The following LSR variants were observed in gnomAD, a reference collection of about 807,000 sequenced individuals.
The protein encoded by LSR is lipolysis stimulated lipoprotein receptor.
A neutral mutation model predicts 61.8 loss-of-function variants in LSR; 44 were observed. The ratio of observed to expected loss-of-function variants is 0.71; its 90% CI spans 0.56 to 0.91. The LOEUF (loss-of-function observed/expected upper bound fraction) is 0.91. Among genes scored for constraint, LSR ranks in the 40% least tolerant of loss-of-function variants. The probability of loss-of-function intolerance (pLI) is 0.00; values close to 1 mark genes in which losing one functional copy is unlikely to be tolerated. For synonymous variants in LSR, 397 were observed against 350.6 expected (o/e 1.13, Z -1.48); for missense variants, 911 against 830.5 (o/e 1.10, Z -1.19).
At chr19:35,259,758 C>T (rs1374887693) in intron 3 of LSR, among the ~76,000 whole-genome samples, 1 of 152,232 alleles carries the variant, frequency 6.6e-6, no homozygotes, top group Admixed American at 6.5e-5. Flanking sequence ...CCGAGTCCCT[C>T]GCCAAAGCAC....
At chr19:35,258,283 T>TA (rs1287008049) in intron 2 of LSR, among the ~76,000 whole-genome samples, 1 of 152,046 alleles carries the variant, frequency 6.6e-6, no homozygotes, top group African/African-American at 2.4e-5. Flanking sequence ...CCATCTCTAC[T>TA]AAAAATGCAA....
intron 2 of LSR, among the ~76,000 whole-genome samples, chr19:35,250,896 A>G (rs2065785739): frequency 6.6e-6 from 1 of 151,722 alleles, no homozygotes; most frequent in Admixed American, 6.6e-5. Context: ...CCCAGGTTCA[A>G]GCAATTCTCT....
At chr19:35,251,858 G>A (rs1021559676) in intron 2 of LSR, among the ~76,000 whole-genome samples, 8 of 61,560 alleles carry the variant, frequency 1.3e-4, no homozygotes, top group African/African-American at 4.1e-4. Flanking sequence ...TTTTTGAGAC[G>A]GAGTCTCGCT....
At chr19:35,262,941 C>T (rs889333417) in intron 5 of LSR, 1 of 505,156 alleles carries the variant, frequency 2.0e-6, no homozygotes, top group Non-Finnish European at 3.5e-6. Flanking sequence ...GTAAAAATGT[C>T]CAACAGTACA....
chr19:35,267,215 C>T lies in LSR; in HGVS notation c.1251C>T (p.Pro417=). 1 of 1,522,346 alleles carries T rather than the reference C, an allele frequency of 6.6e-7. No homozygotes were observed. Among genetic ancestry groups the T allele is most frequent in the Non-Finnish European group, 8.8e-7 (1 of 1,138,012 alleles). 94.3% of individuals were successfully genotyped at this position (1,522,346 alleles called of 1,614,324 possible). ...IRDEEWGGHS[P]RSPRGWDQEP... is the part of the protein sequence containing the mutation. Reference sequence around the variant, plus strand: ...ATGAGGAGTGGGGTGGCCACTCCCCCCGGAGTCCCAGGGGATGGGACCAGG... The same window carrying T: ...ATGAGGAGTGGGGTGGCCACTCCCCTCGGAGTCCCAGGGGATGGGACCAGG... The change falls in exon 9 of 10, where the codon CCC becomes CCT. Residue 417 remains proline (P), a synonymous_variant. Coordinates refer to ENST00000605618, the MANE Select transcript of LSR (RefSeq NM_205834.4).
In LSR at chr19:35,267,092, AC is replaced by A. The variant is rs762189234; in HGVS notation, c.1145-11del. 1.6e-5 allele frequency: 24 copies of A among 1,520,738 alleles called. No homozygotes were observed. Among genetic ancestry groups the A allele is most frequent in the South Asian group, 2.7e-5 (2 of 75,440 alleles). The allele number at this position is 1,520,738 out of a possible 1,614,324, so 94.2% of individuals were successfully genotyped here. On this transcript the variant is annotated splice_polypyrimidine_tract_variant and intron_variant, in intron 8 of 9. Coordinates refer to ENST00000605618, the MANE Select transcript of LSR (RefSeq NM_205834.4). ...CCGGGCTCCTCCAGCAGTCAGTGACACCCCCCTTCCCTGCAGCCATGAGTGA... is the reference window on the plus strand; with the variant it reads ...CCGGGCTCCTCCAGCAGTCAGTGACACCCCCTTCCCTGCAGCCATGAGTGA...
In LSR at chr19:35,267,235, A is replaced by G; in HGVS notation, c.1271A>G (p.Asp424Gly). ...GHSPRSPRGW[D>G]QEPAREQAGG... Reference sequence around the variant, plus strand: ...TCCCCCCGGAGTCCCAGGGGATGGGACCAGGAGCCCGCCAGGGAGCAGGCA... The same window carrying G: ...TCCCCCCGGAGTCCCAGGGGATGGGGCCAGGAGCCCGCCAGGGAGCAGGCA... The change falls in exon 9 of 10, where the codon GAC becomes GGC. Residue 424 changes from aspartate to glycine, a missense_variant. Transcript: ENST00000605618. The G allele has an allele frequency of 6.5e-7, 1 of 1,533,664 alleles. No homozygotes were observed. The highest frequency in any genetic ancestry group is 8.7e-7 in the Non-Finnish European group (1 of 1,142,878).
chr19:35,256,775 A>T (rs1037872580), intron 2 of LSR, among the ~76,000 whole-genome samples: 3 of 152,316 alleles, frequency 2.0e-5, no homozygotes, highest in African/African-American at 7.2e-5. Context: ...ATGTGCCCAG[A>T]ATGATGAGAC....
intron 2 of LSR, among the ~76,000 whole-genome samples, chr19:35,257,803 A>G (rs12979792): frequency 0.17 from 25,122 of 152,220 alleles, 2,544 homozygotes; most frequent in South Asian, 0.23. Flanking sequence ...CCTGAGAAGC[A>G]GAGAGGAAAC....
chr19:35,255,247 G>GA (rs2065842322), intron 2 of LSR, among the ~76,000 whole-genome samples: 1 of 152,164 alleles, frequency 6.6e-6, no homozygotes, highest in African/African-American at 2.4e-5. Context: ...TTGAGCCTAG[G>GA]AGTTCGAAGC....
In LSR at chr19:35,252,411, G is replaced by A. The variant is rs903931750; in HGVS notation, c.454+1752G>A. On this transcript the variant is annotated intron_variant, in intron 2 of 9. Transcript: ENST00000605618. ...CGTCTGTAATCTCAGCACTTTGGGA[G>A]GCCAAGGTGGGTGGATCACCTGAGG... Among the ~76,000 whole-genome samples, 3 of 152,076 alleles carry A rather than the reference G, an allele frequency of 2.0e-5. No individual in the cohort carries two copies. In the South Asian group the frequency reaches 6.2e-4, roughly 32 times the overall value.
chr19:35,260,843 C>A (rs761532216), intron 3 of LSR, among the ~76,000 whole-genome samples: 15 of 152,038 alleles, frequency 9.9e-5, no homozygotes, highest in Non-Finnish European at 1.9e-4. Flanking sequence ...AACACACACA[C>A]ACACACACAC....
At position 35,266,708 on chromosome 19, in the gene LSR, C is replaced by T; in HGVS notation, c.982C>T (p.Leu328Phe). 2 of 1,609,108 alleles carry T rather than the reference C, an allele frequency of 1.2e-6. No homozygotes were observed. Among genetic ancestry groups the T allele is most frequent in the Admixed American group, 1.7e-5 (1 of 59,110 alleles). ...AGGQGSYVPL[L>F]RDTDSSVASE... ...TGGCCAAGGCTCCTATGTACCCCTGCTTCGGGACACGGACAGCAGTGTGGC... is the reference window on the plus strand; with the variant it reads ...TGGCCAAGGCTCCTATGTACCCCTGTTTCGGGACACGGACAGCAGTGTGGC... Residue 328 changes from leucine to phenylalanine, a missense_variant, in exon 7 of 10, where the codon CTT (leucine) becomes TTT (phenylalanine). By Grantham distance (22) the Leu-to-Phe change is conservative. Coordinates refer to ENST00000605618, the MANE Select transcript of LSR (RefSeq NM_205834.4).
At chr19:35,265,591 G>A (rs1035190505) in intron 5 of LSR, among the ~76,000 whole-genome samples, 1 of 152,230 alleles carries the variant, frequency 6.6e-6, no homozygotes, top group Non-Finnish European at 1.5e-5. Flanking sequence ...CAGGGAGGAA[G>A]CCACTTGCCT....
chr19:35,259,912 G>A (rs558691417), intron 3 of LSR, among the ~76,000 whole-genome samples: 52 of 152,340 alleles, frequency 3.4e-4, no homozygotes, highest in African/African-American at 1.2e-3. Context: ...CCTTGTGTTA[G>A]GGGGATGTTG....
At chr19:35,262,346 G>A (rs2065941182) in intron 4 of LSR, among the ~76,000 whole-genome samples, 200 bp from the exon 5 acceptor site, 1 of 152,148 alleles carries the variant, frequency 6.6e-6, no homozygotes, top group South Asian at 2.1e-4. Flanking sequence ...CGTAACTGGG[G>A]AATGGCCGGG....
chr19:35,261,863 G>C (rs562655532), intron 3 of LSR, 62 bp from the exon 4 acceptor site: 1 of 1,213,598 alleles, frequency 8.2e-7, no homozygotes, highest in East Asian at 2.8e-5. Flanking sequence ...CTGGGCTTTC[G>C]GGGGTGGCAC....
intron 2 of LSR, among the ~76,000 whole-genome samples, chr19:35,258,496 C>A (rs1256920421): frequency 6.6e-6 from 1 of 151,504 alleles, no homozygotes; most frequent in Non-Finnish European, 1.5e-5. Flanking sequence ...TGCCTGTAGT[C>A]CTAACTACTC....
In LSR at chr19:35,255,444, A is replaced by T. The variant is rs1199218411; in HGVS notation, c.455-3501A>T. On this transcript the variant is annotated intron_variant, in intron 2 of 9. Coordinates refer to ENST00000605618, the MANE Select transcript of LSR (RefSeq NM_205834.4). ...GAATGTGTGTAGAGGGGCCCAGCACATAGTAAGAGCTCAATAAACGGTGGG... is the reference window on the plus strand; with the variant it reads ...GAATGTGTGTAGAGGGGCCCAGCACTTAGTAAGAGCTCAATAAACGGTGGG... Among the ~76,000 whole-genome samples, 6 of 151,536 alleles carry T rather than the reference A, an allele frequency of 4.0e-5. No individual in the cohort carries two copies. In the East Asian group the frequency reaches 1.2e-3, roughly 30 times the overall value.
Sources: allele counts gnomAD v4.1 joint callset (sites outside exome capture counted in the v4.1 genomes callset), GRCh38; gene constraint gnomAD v4.1.1; transcripts MANE v1.5; gene names NCBI Gene and HGNC (gene_info 2026-07-23, HGNC 2026-07-21).